KIF13A: variants seen among roughly 807,000 people sequenced by gnomAD.
KIF13A encodes kinesin-like protein KIF13A.
In KIF13A, 79 loss-of-function variants were observed where a neutral mutation model predicts 212.2. The observed-to-expected ratio is 0.37, with a 90% CI of 0.31 to 0.45. The LOEUF (loss-of-function observed/expected upper bound fraction) is 0.45. KIF13A is among the 20% of genes least tolerant of loss of function. The probability of loss-of-function intolerance (pLI) is 1.00; values close to 1 mark genes in which losing one functional copy is unlikely to be tolerated. For missense variants in KIF13A, 1,901 were observed against 2,209.0 expected (o/e 0.86, Z 2.79); for synonymous variants, 789 against 808.6 (o/e 0.98, Z 0.41).
At chr6:17,803,993 ATACAAAAAAT>A (rs1169370268) in intron 20 of KIF13A, among the ~76,000 whole-genome samples, 1 of 152,214 alleles carries the variant, frequency 6.6e-6, no homozygotes, top group Non-Finnish European at 1.5e-5. Flanking sequence ...TCCACTAAAA[ATACAAAAAAT>A]TAGCCCGATA....
At chr6:17,840,518 TA>T (rs1766407332) in intron 9 of KIF13A, among the ~76,000 whole-genome samples, 1 of 152,180 alleles carries the variant, frequency 6.6e-6, no homozygotes, top group Non-Finnish European at 1.5e-5. Flanking sequence ...TTCAGTGACT[TA>T]AAAGTCAATA....
In KIF13A at chr6:17,900,219, C is replaced by T. The variant is rs1332427121; in HGVS notation, c.147-2039G>A. ...ATCCCAGTGAGCTCTCTGGAGTTCT[C>T]TTATGTGCCCTTTATGCCACAGCCA... is the stretch of plus-strand genomic sequence containing the variant. On this transcript the variant is annotated intron_variant, in intron 2 of 38. Transcript: ENST00000259711. The surrounding 1 kb of genome is among the most constrained non-coding windows in gnomAD (Gnocchi z 4.6). Among the ~76,000 whole-genome samples, 1 of 152,218 alleles carries T rather than the reference C, an allele frequency of 6.6e-6. No homozygotes were observed. Among genetic ancestry groups the T allele is most frequent in the African/African-American group, 2.4e-5 (1 of 41,460 alleles).
At chr6:17,788,186 T>C (rs1761221591) in intron 26 of KIF13A, among the ~76,000 whole-genome samples, 1 of 152,126 alleles carries the variant, frequency 6.6e-6, no homozygotes, top group Admixed American at 6.5e-5. Flanking sequence ...ATTTAAATCG[T>C]AGCTATTCAT....
intron 31 of KIF13A, among the ~76,000 whole-genome samples, chr6:17,780,015 G>C (rs1760409576): frequency 6.6e-6 from 1 of 151,990 alleles, no homozygotes; most frequent in Non-Finnish European, 1.5e-5. Context: ...CAAAGTGCTG[G>C]GACTACAGGC....
chr6:17,928,559 C>T (rs1775696817), intron 2 of KIF13A, among the ~76,000 whole-genome samples: 1 of 152,176 alleles, frequency 6.6e-6, no homozygotes, highest in Non-Finnish European at 1.5e-5. Flanking sequence ...ATCCGGAGTT[C>T]ACTTTATTCT....
Position 17,855,954 on chromosome 6 carries a change from TC to T in KIF13A, c.313+75del. 1 of 1,021,076 alleles carries T rather than the reference TC, an allele frequency of 9.8e-7. No homozygotes were observed. The highest frequency in any genetic ancestry group is 1.5e-6 in the Non-Finnish European group (1 of 667,114). 63.3% of individuals were successfully genotyped at this position (1,021,076 alleles called of 1,614,324 possible). On this transcript the variant is annotated intron_variant, in intron 5 of 38. Transcript: ENST00000259711. The surrounding 1 kb of genome is among the most constrained non-coding windows in gnomAD (Gnocchi z 4.1). ...TCAAACTCCTGGGCTCAGGAGATCC[TC>T]CCACCCCAGCCTCACCAAGTCCTGG...
intron 2 of KIF13A, among the ~76,000 whole-genome samples, chr6:17,901,510 G>A (rs1773058206): frequency 6.6e-6 from 1 of 152,118 alleles, no homozygotes; most frequent in Non-Finnish European, 1.5e-5. Context: ...ATCACCAGCA[G>A]CCAACTGAGC....
chr6:17,966,147 T>C (rs2150597524), intron 2 of KIF13A, among the ~76,000 whole-genome samples: 1 of 152,280 alleles, frequency 6.6e-6, no homozygotes, highest in East Asian at 1.9e-4. Context: ...TGAGCGAAGA[T>C]TGTGTCACTG....
chr6:17,772,107 G>A lies in KIF13A; in HGVS notation c.4325-48C>T. 1 of 1,556,820 alleles carries A rather than the reference G, an allele frequency of 6.4e-7. No homozygotes were observed. The highest frequency in any genetic ancestry group is 8.8e-7 in the Non-Finnish European group (1 of 1,131,996). On this transcript the variant is annotated intron_variant, in intron 36 of 38. Transcript: ENST00000259711. The surrounding 1 kb of genome is among the most constrained non-coding windows in gnomAD (Gnocchi z 4.8). ...AGGTTACAGATGCTGAACACTTTAAGCAAAACATAGGAACTGAGACAATGA... is the reference window on the plus strand; with the variant it reads ...AGGTTACAGATGCTGAACACTTTAAACAAAACATAGGAACTGAGACAATGA...
chr6:17,972,729 T>C (rs1395927506), intron 2 of KIF13A, among the ~76,000 whole-genome samples: 1 of 151,026 alleles, frequency 6.6e-6, no homozygotes, highest in Non-Finnish European at 1.5e-5. Context: ...GTGTGCAGTC[T>C]AGGGAGTGTC....
At chr6:17,833,880 C>A (rs1401773577) in intron 12 of KIF13A, 81 bp downstream of exon 12, 244 of 473,048 alleles carry the variant, frequency 5.2e-4, no homozygotes, top group Middle Eastern at 1.3e-3. Context: ...AAAAGACTTT[C>A]TGAAGATGAC....
In KIF13A at chr6:17,963,290, C is replaced by T. The variant is rs1385573926; in HGVS notation, c.146+23764G>A. On this transcript the variant is annotated intron_variant, in intron 2 of 38. Coordinates refer to ENST00000259711, the MANE Select transcript of KIF13A (RefSeq NM_022113.6). This position sits in a 1 kb window ranked among gnomAD's most constrained non-coding sequence, Gnocchi z 4.1. ...AAAATTAGCTGGGCATGGTGGCGGG[C>T]GCCTGTAGTCCCAGCTACTCGGGAG... Among the ~76,000 whole-genome samples the T allele has an allele frequency of 1.3e-5, 2 of 152,088 alleles. No homozygotes were observed. The highest frequency in any genetic ancestry group is 2.9e-5 in the Non-Finnish European group (2 of 67,984).
Position 17,897,949 on chromosome 6 carries a change from T to C in KIF13A, c.159+219A>G, listed in dbSNP as rs1463027339. ...TTTGCTTTGAAGATTACAGCATTCA[T>C]TCTGAGAATGAAATAATATGTGAAA... On this transcript the variant is annotated intron_variant, in intron 3 of 38. Transcript: ENST00000259711. The surrounding 1 kb of genome is among the most constrained non-coding windows in gnomAD (Gnocchi z 4.8). Among the ~76,000 whole-genome samples the C allele has an allele frequency of 6.6e-6, 1 of 152,244 alleles. No homozygotes were observed. The highest frequency in any genetic ancestry group is 6.5e-5 in the Admixed American group (1 of 15,288).
chr6:17,981,980 C>G (rs1384700569), intron 2 of KIF13A, among the ~76,000 whole-genome samples: 2 of 152,160 alleles, frequency 1.3e-5, no homozygotes, highest in African/African-American at 4.8e-5. Flanking sequence ...GAAATAAAAA[C>G]TTGCAATATT....
intron 3 of KIF13A, among the ~76,000 whole-genome samples, chr6:17,890,885 C>A (rs1005558652): frequency 4.0e-5 from 6 of 151,702 alleles, no homozygotes; most frequent in Non-Finnish European, 8.8e-5. Context: ...GTCTCAAACT[C>A]CTGGCCTCAA....
chr6:17,842,833 A>AG (rs202129959), intron 9 of KIF13A, among the ~76,000 whole-genome samples: 8,448 of 152,176 alleles, frequency 0.056, 362 homozygotes, highest in African/African-American at 0.11. Flanking sequence ...ATAATCAGTG[A>AG]GAAAAAACCG....
At chr6:17,935,854 T>C (rs1776413769) in intron 2 of KIF13A, among the ~76,000 whole-genome samples, 1 of 152,228 alleles carries the variant, frequency 6.6e-6, no homozygotes, top group African/African-American at 2.4e-5. Context: ...AACCAGATTC[T>C]TGAGTTAAGA....
chr6:17,762,168 T>C (rs1031270183), downstream of KIF13A, among the ~76,000 whole-genome samples: 2 of 151,928 alleles, frequency 1.3e-5, no homozygotes, highest in African/African-American at 4.8e-5. Flanking sequence ...GCCTCCAGAA[T>C]AGCTGGAACT....
At chr6:17,852,101 CTCTT>C in intron 6 of KIF13A, 59 bp from the exon 7 acceptor site, 1 of 843,550 alleles carries the variant, frequency 1.2e-6, no homozygotes. Context: ...GCTTTTCTTT[CTCTT>C]TAAGTACACA....
Sources: allele counts gnomAD v4.1 joint callset (sites outside exome capture counted in the v4.1 genomes callset), GRCh38; gene constraint gnomAD v4.1.1; non-coding constraint Gnocchi (gnomAD v3.1); transcripts MANE v1.5; gene names NCBI Gene and HGNC (gene_info 2026-07-23, HGNC 2026-07-21).